The following NAV2 variants were observed in gnomAD, a reference collection of about 807,000 sequenced individuals.
NAV2 encodes the protein neuron navigator 2.
A neutral mutation model predicts 223.2 loss-of-function variants in NAV2; 54 were observed. The observed-to-expected ratio is 0.24, with a 90% CI of 0.19 to 0.30. The LOEUF (loss-of-function observed/expected upper bound fraction) is 0.30. NAV2 is among the 10% of genes least tolerant of loss of function. The probability of loss-of-function intolerance (pLI) is 1.00; values close to 1 mark genes in which losing one functional copy is unlikely to be tolerated. For synonymous variants in NAV2, 1,279 were observed against 1,239.3 expected, an observed-to-expected ratio of 1.03 and a Z score of -0.67; for missense variants, 2,806 against 3,147.5, an observed-to-expected ratio of 0.89 and a Z score of 2.60.
chr11:19,494,050 G>A (rs2134097459), intron 1 of NAV2, among the ~76,000 whole-genome samples: 2 of 152,224 alleles, frequency 1.3e-5, no homozygotes, highest in East Asian at 3.9e-4. Context: ...ACTGAGCTCT[G>A]CAGAGCAGTG....
chr11:19,795,351 A>T (rs1394979063), intron 1 of NAV2, among the ~76,000 whole-genome samples: 1 of 152,150 alleles, frequency 6.6e-6, no homozygotes, highest in Non-Finnish European at 1.5e-5. Context: ...CATATTTAGA[A>T]TTTTTGCCAT....
chr11:19,400,595 C>T (rs1849641024), intron 1 of NAV2, among the ~76,000 whole-genome samples: 1 of 152,090 alleles, frequency 6.6e-6, no homozygotes, highest in South Asian at 2.1e-4. Context: ...AGTCTCCTTC[C>T]TTAAATGTAG....
intron 1 of NAV2, among the ~76,000 whole-genome samples, chr11:19,758,453 G>T (rs977632503): frequency 1.3e-5 from 2 of 152,194 alleles, no homozygotes; most frequent in Non-Finnish European, 2.9e-5. Flanking sequence ...GAAGGGTGGT[G>T]GTGGACCAGA....
intron 6 of NAV2, among the ~76,000 whole-genome samples, chr11:19,930,406 G>A (rs1018736166): frequency 6.6e-6 from 1 of 152,182 alleles, no homozygotes; most frequent in African/African-American, 2.4e-5. Context: ...CCATGTACAC[G>A]TGGGGACTAT....
intron 1 of NAV2, among the ~76,000 whole-genome samples, chr11:19,351,334 T>C (rs1853298904): frequency 6.6e-6 from 1 of 152,244 alleles, no homozygotes; most frequent in South Asian, 2.1e-4. Flanking sequence ...TGAGTTTCTT[T>C]GTACTGAAGC....
At chr11:19,367,019 A>G (rs1848307859) in intron 1 of NAV2, among the ~76,000 whole-genome samples, 1 of 152,208 alleles carries the variant, frequency 6.6e-6, no homozygotes, top group Admixed American at 6.5e-5. Context: ...TCATTAATCC[A>G]GAGTCATCAT....
chr11:19,967,399 AG>A (rs548077298), intron 10 of NAV2, among the ~76,000 whole-genome samples: 95 of 103,986 alleles, frequency 9.1e-4, no homozygotes, highest in African/African-American at 3.2e-3. Context: ...AATAAGGCAG[AG>A]GTTTTTTTTT....
chr11:20,105,367 G>A, intron 34 of NAV2, 164 bp from the exon 35 acceptor site: 1 of 571,234 alleles, frequency 1.8e-6, no homozygotes, highest in African/African-American at 1.9e-5. Context: ...GGAACTGTGA[G>A]TTAATACATA....
chr11:19,707,072 C>T (rs2049686531), intron 1 of NAV2, among the ~76,000 whole-genome samples: 1 of 152,096 alleles, frequency 6.6e-6, no homozygotes, highest in Admixed American at 6.5e-5. Context: ...GGGCATTTAC[C>T]ATGAATGGAA....
intron 1 of NAV2, among the ~76,000 whole-genome samples, chr11:19,589,057 C>T (rs993048241): frequency 2.6e-5 from 4 of 152,214 alleles, no homozygotes; most frequent in African/African-American, 9.7e-5. Context: ...TTCCTCTGTG[C>T]CTCCTCTGTG....
chr11:19,903,022 C>T (rs1414621713), intron 6 of NAV2, among the ~76,000 whole-genome samples: 1 of 152,168 alleles, frequency 6.6e-6, no homozygotes, highest in African/African-American at 2.4e-5. Flanking sequence ...TGTGAATGTG[C>T]ACTTGGCTGC....
At chr11:19,373,926 T>C (rs1848554746) in intron 1 of NAV2, among the ~76,000 whole-genome samples, 1 of 152,278 alleles carries the variant, frequency 6.6e-6, no homozygotes, top group Admixed American at 6.5e-5. Flanking sequence ...CACCTGCTTT[T>C]TTCCCCCCTC....
At chr11:20,075,093 T>G (rs1009359430) in intron 22 of NAV2, among the ~76,000 whole-genome samples, 1 of 152,240 alleles carries the variant, frequency 6.6e-6, no homozygotes, top group Non-Finnish European at 1.5e-5. Flanking sequence ...CCTGTTTCCT[T>G]TGTCAACTAT....
rs767268073 is a variant in NAV2, at chr11:19,832,522, C to T, written c.306C>T (p.Ser102=). The part of the protein sequence containing the change: ...TDWANHYLAK[S]GHKRLIRDLQ... ...GGGCCAATCATTACCTAGCCAAATC[C>T]GGCCACAAGCGTCTCATCAGGGATC... The change falls in exon 2 of 38, where the codon TCC becomes TCT. Residue 102 remains serine (S), a synonymous_variant. Transcript: ENST00000349880. The T allele has an allele frequency of 4.0e-5, 65 of 1,614,018 alleles. No homozygotes were observed. In the Middle Eastern group the frequency reaches 8.2e-4, roughly 20 times the overall value.
intron 1 of NAV2, among the ~76,000 whole-genome samples, chr11:19,826,765 T>C (rs2059655607): frequency 6.6e-6 from 1 of 152,236 alleles, no homozygotes; most frequent in South Asian, 2.1e-4. Context: ...TGCTCCCTGC[T>C]CTTTTTAATC....
chr11:19,841,296 T>C lies in NAV2; in HGVS notation c.386-1575T>C, dbSNP rs570313142. 1.4e-4 allele frequency among the ~76,000 whole-genome samples: 22 copies of C among 152,350 alleles called. No homozygotes were observed. In the East Asian group the frequency reaches 4.2e-3, roughly 29 times the overall value. Reference sequence around the variant, plus strand: ...ACTAGCTTGCTTCTTAATTTTCACTTGTCTCTCAAGATAGAAACAGAGAAA... The same window carrying C: ...ACTAGCTTGCTTCTTAATTTTCACTCGTCTCTCAAGATAGAAACAGAGAAA... On this transcript the variant is annotated intron_variant, in intron 2 of 37. Coordinates refer to ENST00000349880, the MANE Select transcript of NAV2 (RefSeq NM_145117.5).
chr11:19,875,438 G>T (rs949835472), intron 4 of NAV2, among the ~76,000 whole-genome samples: 1 of 152,152 alleles, frequency 6.6e-6, no homozygotes, highest in Non-Finnish European at 1.5e-5. Context: ...AAACAGAATG[G>T]CTGTATGGGT....
At chr11:19,860,445 G>C (rs1487409868) in intron 3 of NAV2, among the ~76,000 whole-genome samples, 1 of 151,722 alleles carries the variant, frequency 6.6e-6, no homozygotes, top group Non-Finnish European at 1.5e-5. Context: ...TGGCCGGGCA[G>C]AGACGCTCCT....
At chr11:19,732,599 C>T (rs191358492) in intron 1 of NAV2, among the ~76,000 whole-genome samples, 1 of 152,168 alleles carries the variant, frequency 6.6e-6, no homozygotes, top group African/African-American at 2.4e-5. Context: ...GCCAGAGAGG[C>T]GCCTCTGGGA....
Sources: gnomAD v4.1 joint callset for allele counts (sites outside exome capture counted in the v4.1 genomes callset) on GRCh38, gnomAD v4.1.1 for gene constraint, MANE v1.5 for transcripts, NCBI Gene and HGNC (gene_info 2026-07-23, HGNC 2026-07-21) for gene names.